Variants in ENOX1 observed in about 807,000 individuals in gnomAD.
ENOX1 encodes the protein ecto-NOX disulfide-thiol exchanger 1, also known as candidate growth-related and time keeping constitutive hydroquinone (NADH) oxidase.
ENOX1 carries 42 observed loss-of-function variants against 82.5 expected under a neutral mutation model. The ratio of observed to expected loss-of-function variants is 0.51; its 90% CI spans 0.40 to 0.66. The LOEUF is 0.66. ENOX1 is among the 30% of genes least tolerant of loss of function. The pLI is 0.00. For synonymous variants in ENOX1, 271 were observed against 282.2 expected (o/e 0.96, Z 0.40); for missense variants, 608 against 811.6 (o/e 0.75, Z 3.05).
intron 5 of ENOX1, among the ~76,000 whole-genome samples, chr13:43,366,630 GA>G (rs2050868355): frequency 6.6e-6 from 1 of 152,066 alleles, no homozygotes; most frequent in South Asian, 2.1e-4. Flanking sequence ...AGGGGAAGGA[GA>G]ACATGAATAC....
chr13:43,361,523 C>A, intron 5 of ENOX1, 71 bp from the exon 6 acceptor site: 5 of 1,426,764 alleles, frequency 3.5e-6, no homozygotes, highest in Non-Finnish European at 4.8e-6. Flanking sequence ...TGCCATTTTC[C>A]TGTGGATTAT....
intron 3 of ENOX1, among the ~76,000 whole-genome samples, chr13:43,475,688 T>G (rs2058248142): frequency 6.6e-6 from 1 of 151,622 alleles, no homozygotes; most frequent in African/African-American, 2.4e-5. Flanking sequence ...GGAAGGGCTG[T>G]GTCAGTTCTA....
chr13:43,250,941 A>T (rs1379811655), intron 14 of ENOX1, among the ~76,000 whole-genome samples: 1 of 152,210 alleles, frequency 6.6e-6, no homozygotes, highest in Non-Finnish European at 1.5e-5. Flanking sequence ...TTTGTGGAAA[A>T]GTATGGTCCA....
rs116516770 is a variant in ENOX1, at chr13:43,410,962, C to T, written c.208+954G>A. Reference sequence around the variant, plus strand: ...CTTGTCTTGTTTACTGCGGGAGCCCCTGCACCAGACAGCGGCTCAATGAGT... The same window carrying T: ...CTTGTCTTGTTTACTGCGGGAGCCCTTGCACCAGACAGCGGCTCAATGAGT... On this transcript the variant is annotated intron_variant, in intron 5 of 16. Coordinates refer to ENST00000690772, the MANE Select transcript of ENOX1 (RefSeq NM_001347969.2). 7.1e-3 allele frequency among the ~76,000 whole-genome samples: 1,074 copies of T among 152,280 alleles called. 13 individuals carry two copies. The highest frequency in any genetic ancestry group is 0.024 in the African/African-American group (1,006 of 41,546).
chr13:43,293,328 C>G (rs530847426), intron 12 of ENOX1, among the ~76,000 whole-genome samples: 1 of 152,290 alleles, frequency 6.6e-6, no homozygotes, highest in Non-Finnish European at 1.5e-5. Flanking sequence ...CCACGGCCAT[C>G]TTCACCACCA....
At chr13:43,324,352 A>G (rs913101905) in intron 10 of ENOX1, among the ~76,000 whole-genome samples, 1 of 152,182 alleles carries the variant, frequency 6.6e-6, no homozygotes, top group Non-Finnish European at 1.5e-5. Context: ...GAAAAGAAAA[A>G]AAAATTGAGG....
intron 1 of ENOX1, among the ~76,000 whole-genome samples, chr13:43,704,891 G>A (rs2087152325): frequency 6.6e-6 from 1 of 152,120 alleles, no homozygotes; most frequent in Non-Finnish European, 1.5e-5. Context: ...GGGCTTTCTA[G>A]TGACATCACA....
intron 2 of ENOX1, among the ~76,000 whole-genome samples, chr13:43,595,222 A>G (rs1325988174): frequency 6.6e-6 from 1 of 151,558 alleles, no homozygotes; most frequent in East Asian, 1.9e-4. Flanking sequence ...TGAGGTATAG[A>G]TATTGAATGA....
chr13:43,778,804 C>A (rs1167626765), intron 1 of ENOX1, among the ~76,000 whole-genome samples: 2 of 152,206 alleles, frequency 1.3e-5, no homozygotes, highest in Non-Finnish European at 2.9e-5. Flanking sequence ...GGATTCCCAG[C>A]CCTTTCAGGG....
At chr13:43,485,538 T>G (rs1161921528) in intron 2 of ENOX1, among the ~76,000 whole-genome samples, 1 of 152,148 alleles carries the variant, frequency 6.6e-6, no homozygotes, top group African/African-American at 2.4e-5. Context: ...GGAAAACGAT[T>G]GATGGTATTT....
At chr13:43,494,574 T>C (rs1244296011) in intron 2 of ENOX1, among the ~76,000 whole-genome samples, 1 of 152,214 alleles carries the variant, frequency 6.6e-6, no homozygotes, top group Non-Finnish European at 1.5e-5. Flanking sequence ...AAGGCACATA[T>C]ATTCATTCTT....
chr13:43,583,881 C>T (rs1194637951), intron 2 of ENOX1, among the ~76,000 whole-genome samples: 1 of 151,486 alleles, frequency 6.6e-6, no homozygotes, highest in African/African-American at 2.4e-5. Context: ...TCTAATCACT[C>T]CAAGCACAAA....
intron 1 of ENOX1, among the ~76,000 whole-genome samples, chr13:43,729,320 G>A (rs1339387918): frequency 6.6e-6 from 1 of 152,038 alleles, no homozygotes; most frequent in Non-Finnish European, 1.5e-5. Context: ...TTTCTACTCT[G>A]CAAAATTGGC....
chr13:43,598,086 T>A (rs1241717410), intron 2 of ENOX1, among the ~76,000 whole-genome samples: 2 of 152,126 alleles, frequency 1.3e-5, no homozygotes, highest in African/African-American at 4.8e-5. Flanking sequence ...CTGCCTCTTG[T>A]GTCTCCCGGC....
chr13:43,723,595 T>C (rs2088721748), intron 1 of ENOX1, among the ~76,000 whole-genome samples: 1 of 152,194 alleles, frequency 6.6e-6, no homozygotes, highest in Non-Finnish European at 1.5e-5. Context: ...TGAGTACAAA[T>C]GCATTTTAAC....
intron 1 of ENOX1, among the ~76,000 whole-genome samples, chr13:43,738,780 T>C (rs1396025326): frequency 6.6e-6 from 1 of 152,160 alleles, no homozygotes; most frequent in Admixed American, 6.5e-5. Flanking sequence ...TGCCAATCAG[T>C]AACTCAATTA....
intron 1 of ENOX1, among the ~76,000 whole-genome samples, chr13:43,740,918 A>C (rs2089877040): frequency 6.6e-6 from 1 of 152,050 alleles, no homozygotes. Context: ...CCCTCTTTTT[A>C]GCTATTATGA....
intron 1 of ENOX1, among the ~76,000 whole-genome samples, chr13:43,739,537 G>A (rs1443656972): frequency 6.6e-6 from 1 of 151,460 alleles, no homozygotes; most frequent in Non-Finnish European, 1.5e-5. Flanking sequence ...CAACCAGAGT[G>A]AGAGCCTGTC....
chr13:43,274,696 T>C (rs1340783007), intron 12 of ENOX1, among the ~76,000 whole-genome samples: 1 of 152,220 alleles, frequency 6.6e-6, no homozygotes, highest in African/African-American at 2.4e-5. Flanking sequence ...CATTCTTTGG[T>C]GGTTACAATG....
Sources: allele counts gnomAD v4.1 joint callset (sites outside exome capture counted in the v4.1 genomes callset), GRCh38; gene constraint gnomAD v4.1.1; transcripts MANE v1.5; gene names NCBI Gene and HGNC (gene_info 2026-07-23, HGNC 2026-07-21).